The following JAKMIP2 variants were observed in gnomAD, a reference collection of about 807,000 sequenced individuals.
JAKMIP2 encodes janus kinase and microtubule-interacting protein 2.
Under a neutral mutation model 115.0 loss-of-function variants are expected in JAKMIP2, and 25 were observed. That is an observed-to-expected ratio of 0.22 (90% CI 0.16 to 0.30). The LOEUF (loss-of-function observed/expected upper bound fraction) is 0.30. Among genes scored for constraint, JAKMIP2 ranks in the 10% least tolerant of loss-of-function variants. The pLI is 1.00. For synonymous variants in JAKMIP2, 334 were observed against 343.6 expected, an observed-to-expected ratio of 0.97 and a Z score of 0.31; for missense variants, 642 against 957.6, an observed-to-expected ratio of 0.67 and a Z score of 4.35.
chr5:147,607,671 G>A (rs1351387680), intron 20 of JAKMIP2, among the ~76,000 whole-genome samples: 1 of 152,138 alleles, frequency 6.6e-6, no homozygotes, highest in Non-Finnish European at 1.5e-5. Flanking sequence ...TTTTATATCA[G>A]AATGATGCTG....
In JAKMIP2 at chr5:147,590,613, C is replaced by T. The variant is rs996896855; in HGVS notation, c.*1094G>A. ...AATATTCACATCTCTGTGGCAAACC[C>T]GACTCTTGGTAGAAATTTACTCATT... On this transcript the variant is annotated 3_prime_UTR_variant, in exon 22 of 22. Transcript: ENST00000616793. 2.6e-5 allele frequency: 4 copies of T among 152,056 alleles called. No individual in the cohort carries two copies. The highest frequency in any genetic ancestry group is 9.7e-5 in the African/African-American group (4 of 41,404). The allele number at this position is 152,056 out of a possible 1,614,324, so 9.4% of individuals were successfully genotyped here. A position where few individuals can be genotyped will look rare whatever the true frequency, so the allele number is the denominator to read the frequency against.
chr5:147,626,434 G>A (rs1442281975), intron 16 of JAKMIP2, among the ~76,000 whole-genome samples: 2 of 152,176 alleles, frequency 1.3e-5, no homozygotes, highest in Admixed American at 6.5e-5. Flanking sequence ...TTTCCCACAG[G>A]AGGAGGAGTT....
chr5:147,754,785 A>C (rs183331694), intron 1 of JAKMIP2, among the ~76,000 whole-genome samples: 171 of 152,332 alleles, frequency 1.1e-3, no homozygotes, highest in Non-Finnish European at 1.9e-3. Context: ...AATTATTGTG[A>C]AAACTTATAT....
At chr5:147,770,777 A>G (rs1054004916) in intron 1 of JAKMIP2, among the ~76,000 whole-genome samples, 1 of 152,052 alleles carries the variant, frequency 6.6e-6, no homozygotes, top group Non-Finnish European at 1.5e-5. Context: ...TTATTGCTTG[A>G]AAAAAGTAGG....
At chr5:147,757,396 A>G (rs896951551) in intron 1 of JAKMIP2, among the ~76,000 whole-genome samples, 3 of 152,118 alleles carry the variant, frequency 2.0e-5, no homozygotes, top group African/African-American at 7.2e-5. Context: ...CTCCATCCAC[A>G]TGATTAAATG....
chr5:147,727,679 A>C (rs1051935055), intron 1 of JAKMIP2, among the ~76,000 whole-genome samples: 5 of 152,234 alleles, frequency 3.3e-5, no homozygotes, highest in African/African-American at 1.2e-4. Flanking sequence ...CTCATAGGAT[A>C]GTAATAAGAG....
intron 1 of JAKMIP2, among the ~76,000 whole-genome samples, chr5:147,778,061 G>T (rs1755628043): frequency 6.6e-6 from 1 of 151,986 alleles, no homozygotes; most frequent in Non-Finnish European, 1.5e-5. Context: ...CTTTTTTCAA[G>T]ATTCAGGACC....
intron 1 of JAKMIP2, among the ~76,000 whole-genome samples, chr5:147,740,326 G>C (rs1055132409): frequency 2.0e-5 from 3 of 152,236 alleles, no homozygotes; most frequent in African/African-American, 7.2e-5. Flanking sequence ...ATTGGGGACT[G>C]ATTGCCATTA....
chr5:147,613,006 C>T (rs1166406034), intron 19 of JAKMIP2, among the ~76,000 whole-genome samples: 2 of 152,010 alleles, frequency 1.3e-5, no homozygotes, highest in Admixed American at 6.6e-5. Flanking sequence ...ACAAACATTC[C>T]CAGGAGGGAA....
At chr5:147,710,509 C>T (rs1272267190) in intron 1 of JAKMIP2, among the ~76,000 whole-genome samples, 2 of 152,154 alleles carry the variant, frequency 1.3e-5, no homozygotes, top group Non-Finnish European at 2.9e-5. Context: ...GACTTACTAG[C>T]TGAGTGATCT....
chr5:147,601,159 C>T (rs1755675251), intron 21 of JAKMIP2, among the ~76,000 whole-genome samples: 1 of 152,192 alleles, frequency 6.6e-6, no homozygotes, highest in Non-Finnish European at 1.5e-5. Flanking sequence ...CAAAGTAATA[C>T]AGTTAACTGG....
chr5:147,742,155 A>ATATATATATATATATTTTTTTTT lies in JAKMIP2; in HGVS notation c.-149+40300_-149+40301insAAAAAAAAATATATATATATATA. ...TGTGGATCATTATATATATATATAT[A>ATATATATATATATATTTTTTTTT]TTTTTTTTACTATTGTATTGTATCT... On this transcript the variant is annotated intron_variant, in intron 1 of 21. Transcript: ENST00000616793. Among the ~76,000 whole-genome samples, 4 of 108,904 alleles carry ATATATATATATATATTTTTTTTT rather than the reference A, an allele frequency of 3.7e-5. No individual in the cohort carries two copies. In the South Asian group the frequency reaches 9.3e-4, roughly 25 times the overall value. The allele number at this position is 108,904 out of a possible 152,430, so 71.4% of individuals were successfully genotyped here.
chr5:147,669,659 A>G (rs1428241840), intron 2 of JAKMIP2, among the ~76,000 whole-genome samples: 1 of 152,194 alleles, frequency 6.6e-6, no homozygotes, highest in Non-Finnish European at 1.5e-5. Context: ...CATAACTGCA[A>G]TTAAAGGAGT....
chr5:147,607,514 G>A (rs1046588574), intron 20 of JAKMIP2, among the ~76,000 whole-genome samples: 5 of 152,170 alleles, frequency 3.3e-5, no homozygotes, highest in Admixed American at 3.3e-4. Flanking sequence ...TTGCATCCCA[G>A]GGATGAAGCC....
chr5:147,707,026 T>C (rs1046407905), intron 1 of JAKMIP2, among the ~76,000 whole-genome samples: 5 of 152,072 alleles, frequency 3.3e-5, no homozygotes, highest in African/African-American at 9.7e-5. Context: ...TTTTTGAGGG[T>C]TATGAATCAT....
At chr5:147,625,487 T>A (rs17106944) in intron 16 of JAKMIP2, among the ~76,000 whole-genome samples, 9,361 of 152,246 alleles carry the variant, frequency 0.061, 814 homozygotes, top group African/African-American at 0.19. Context: ...AACAAATTTC[T>A]GTCAATCATG....
chr5:147,635,996 T>C (rs1757599104), intron 12 of JAKMIP2, among the ~76,000 whole-genome samples: 1 of 152,206 alleles, frequency 6.6e-6, no homozygotes, highest in African/African-American at 2.4e-5. Context: ...GATCACATCC[T>C]TTCAAGTCTG....
chr5:147,616,770 T>C (rs1233211068), intron 19 of JAKMIP2, among the ~76,000 whole-genome samples: 1 of 152,214 alleles, frequency 6.6e-6, no homozygotes, highest in Non-Finnish European at 1.5e-5. Context: ...TAGGTATTTA[T>C]CATTTCTGGG....
chr5:147,650,045 T>A (rs1205201952), intron 4 of JAKMIP2, among the ~76,000 whole-genome samples: 1 of 152,276 alleles, frequency 6.6e-6, no homozygotes, highest in East Asian at 1.9e-4. Context: ...AATATTTTCA[T>A]CTAATTTATG....
Sources: gnomAD v4.1 joint callset for allele counts (sites outside exome capture counted in the v4.1 genomes callset) on GRCh38, gnomAD v4.1.1 for gene constraint, MANE v1.5 for transcripts, NCBI Gene and HGNC (gene_info 2026-07-23, HGNC 2026-07-21) for gene names.